TDRD9: variants seen among roughly 807,000 people sequenced by gnomAD.
TDRD9 encodes the protein ATP-dependent RNA helicase TDRD9.
TDRD9 carries 124 observed loss-of-function variants against 172.6 expected under a neutral mutation model. The observed-to-expected ratio is 0.72, with a 90% confidence interval of 0.62 to 0.83. The LOEUF is 0.83. Among genes scored for constraint, TDRD9 ranks in the 40% least tolerant of loss-of-function variants. The pLI is 0.00. For synonymous variants in TDRD9, 619 were observed against 617.1 expected, an observed-to-expected ratio of 1.00 and a Z score of -0.05; for missense variants, 1,479 against 1,714.1, an observed-to-expected ratio of 0.86 and a Z score of 2.42.
At chr14:103,948,888 C>A (rs370162154) in intron 1 of TDRD9, among the ~76,000 whole-genome samples, 403 of 114,548 alleles carry the variant, frequency 3.5e-3, no homozygotes, top group Middle Eastern at 9.3e-3. Flanking sequence ...GACTCCATCT[C>A]AAAAAAAAAA....
At chr14:103,983,286 CT>C (rs976032441) in intron 7 of TDRD9, among the ~76,000 whole-genome samples, 2 of 151,920 alleles carry the variant, frequency 1.3e-5, no homozygotes, top group African/African-American at 2.4e-5. Flanking sequence ...TGGTCTTGAA[CT>C]CCTGACCTCA....
intron 34 of TDRD9, among the ~76,000 whole-genome samples, chr14:104,046,654 C>CT (rs143594477): frequency 0.33 from 49,673 of 150,506 alleles, 8,298 homozygotes; most frequent in Middle Eastern, 0.37. Context: ...TTTTCTTTTT[C>CT]TTTTTTTTTG....
At chr14:103,968,790 TG>T (rs2032876379) in intron 5 of TDRD9, among the ~76,000 whole-genome samples, 1 of 816 alleles carries the variant, frequency 1.2e-3, no homozygotes, top group Non-Finnish European at 0.015. Context: ...AGTGAGACTC[TG>T]TCTCAAAAAA....
At chr14:104,035,605 T>G (rs1207057399) in intron 32 of TDRD9, among the ~76,000 whole-genome samples, 1 of 152,154 alleles carries the variant, frequency 6.6e-6, no homozygotes, top group East Asian at 1.9e-4. Context: ...GCTGCTGCCG[T>G]GTAAGGTTTT....
intron 33 of TDRD9, among the ~76,000 whole-genome samples, chr14:104,041,149 G>C (rs955642144): frequency 6.6e-6 from 1 of 152,162 alleles, no homozygotes; most frequent in Admixed American, 6.5e-5. Context: ...CCGATGCTCC[G>C]GGGGCAGGTA....
chr14:103,970,484 A>C, intron 5 of TDRD9, 57 bp from the exon 6 acceptor site: 1 of 1,270,124 alleles, frequency 7.9e-7, no homozygotes, highest in African/African-American at 1.5e-5. Flanking sequence ...TTCTGTCAGC[A>C]GTGTCATGTG....
chr14:104,051,763 C>T (rs934353493), intron 35 of TDRD9, among the ~76,000 whole-genome samples: 9 of 152,142 alleles, frequency 5.9e-5, no homozygotes, highest in African/African-American at 2.2e-4. Flanking sequence ...GAGAAGCGTT[C>T]ATGTCTTTTG....
At chr14:104,040,887 T>G (rs2035593601) in intron 33 of TDRD9, among the ~76,000 whole-genome samples, 1 of 152,264 alleles carries the variant, frequency 6.6e-6, no homozygotes, top group Admixed American at 6.5e-5. Flanking sequence ...GTATGTCATT[T>G]GAATCTAATA....
intron 29 of TDRD9, 118 bp from the exon 30 acceptor site, chr14:104,031,899 T>C: frequency 1.5e-6 from 1 of 679,092 alleles, no homozygotes; most frequent in Non-Finnish European, 2.4e-6. Flanking sequence ...ATAAAGACAT[T>C]ATGAATGAGA....
At chr14:103,996,608 G>A (rs1224227472) in intron 12 of TDRD9, among the ~76,000 whole-genome samples, 1 of 152,156 alleles carries the variant, frequency 6.6e-6, no homozygotes, top group Non-Finnish European at 1.5e-5. Flanking sequence ...ACGGGTTTGA[G>A]GAGCAGCACA....
chr14:103,930,627 T>C (rs1242650246), intron 1 of TDRD9, among the ~76,000 whole-genome samples: 1 of 152,180 alleles, frequency 6.6e-6, no homozygotes, highest in Non-Finnish European at 1.5e-5. Flanking sequence ...ATTTGGTTCT[T>C]AGAGGCATAG....
At position 103,941,561 on chromosome 14, in the gene TDRD9, TA is replaced by T. The variant is rs1160034730; in HGVS notation, c.215+12838del. On this transcript the variant is annotated intron_variant, in intron 1 of 35. Transcript: ENST00000409874. Reference sequence around the variant, plus strand: ...CTTTTTGTTCATTTTCGATTTCTTGTATTAATCTCTCTCGCTCCTTTAGGTG... The same window carrying T: ...CTTTTTGTTCATTTTCGATTTCTTGTTTAATCTCTCTCGCTCCTTTAGGTG... The T allele has an allele frequency of 1.2e-5, 19 of 1,535,286 alleles. 1 individual carries two copies. The African/African-American group carries it at 1.9e-4, about 15-fold the overall frequency.
intron 2 of TDRD9, among the ~76,000 whole-genome samples, chr14:103,962,147 C>T (rs998437858): frequency 6.6e-6 from 1 of 152,178 alleles, no homozygotes; most frequent in Non-Finnish European, 1.5e-5. Flanking sequence ...TGTGCCTGGT[C>T]AGAGCTCTGT....
At chr14:104,019,444 C>T (rs112111100) in intron 23 of TDRD9, among the ~76,000 whole-genome samples, 3,365 of 152,200 alleles carry the variant, frequency 0.022, 71 homozygotes, top group East Asian at 0.07. Flanking sequence ...CTCACTGCAA[C>T]CTCCGCCTCC....
chr14:104,011,268 C>T (rs1477865134), intron 20 of TDRD9, among the ~76,000 whole-genome samples: 1 of 152,132 alleles, frequency 6.6e-6, no homozygotes, highest in East Asian at 1.9e-4. Context: ...TTGCTCGGTT[C>T]TGATTGCCAA....
chr14:103,952,181 CGTGT>C (rs34670145), intron 1 of TDRD9, among the ~76,000 whole-genome samples: 2 of 47,224 alleles, frequency 4.2e-5, no homozygotes, highest in South Asian at 1.4e-3. Context: ...TATGTGTGTG[CGTGT>C]GTGTGTATAT....
intron 18 of TDRD9, 63 bp downstream of exon 18, chr14:104,006,908 C>A: frequency 1.4e-6 from 2 of 1,384,670 alleles, no homozygotes; most frequent in Non-Finnish European, 2.0e-6. Context: ...CATTTTCATA[C>A]CACAAACATA....
chr14:103,965,243 G>A (rs2032684241), intron 3 of TDRD9, 90 bp from the exon 4 acceptor site: 1 of 1,315,270 alleles, frequency 7.6e-7, no homozygotes, highest in Non-Finnish European at 1.1e-6. Context: ...TAAGATGAAA[G>A]AAAAATAAAT....
chr14:104,014,245 A>T (rs1475383822), intron 20 of TDRD9, among the ~76,000 whole-genome samples: 40 of 137,970 alleles, frequency 2.9e-4, no homozygotes, highest in African/African-American at 6.2e-4. Flanking sequence ...AAAAAAAAAA[A>T]AAAAAGATAA....
Sources: gnomAD v4.1 joint callset for allele counts (sites outside exome capture counted in the v4.1 genomes callset) on GRCh38, gnomAD v4.1.1 for gene constraint, MANE v1.5 for transcripts, NCBI Gene and HGNC (gene_info 2026-07-23, HGNC 2026-07-21) for gene names.